The following SOX5 variants were observed in gnomAD, a reference collection of about 807,000 sequenced individuals.
SOX5 encodes the protein transcription factor SOX-5.
In SOX5, 9 loss-of-function variants were observed where a neutral mutation model predicts 92.0. The ratio of observed to expected loss-of-function variants is 0.10; its 90% CI spans 0.06 to 0.17. SOX5 has a LOEUF of 0.17. Among genes scored for constraint, SOX5 ranks in the 10% least tolerant of loss-of-function variants. SOX5 has a pLI of 1.00. For synonymous variants in SOX5, 344 were observed against 336.3 expected (o/e 1.02, Z -0.25); for missense variants, 642 against 944.5 (o/e 0.68, Z 4.20).
chr12:23,565,188 T>C (rs1946863506), intron 10 of SOX5, among the ~76,000 whole-genome samples: 1 of 152,224 alleles, frequency 6.6e-6, no homozygotes, highest in African/African-American at 2.4e-5. Flanking sequence ...TCTTCAGAGT[T>C]AATATTTACT....
chr12:24,155,919 G>A (rs1565548953), intron 4 of SOX5, among the ~76,000 whole-genome samples: 2 of 152,102 alleles, frequency 1.3e-5, no homozygotes, highest in African/African-American at 2.4e-5. Flanking sequence ...TATAGAAAGA[G>A]CGGTAACAAT....
intron 4 of SOX5, among the ~76,000 whole-genome samples, chr12:23,960,532 T>TATATATTTATATAC (rs1569275239): frequency 2.2e-4 from 7 of 31,508 alleles, no homozygotes; most frequent in East Asian, 3.6e-3. Context: ...TATATATACA[T>TATATATTTATATAC]ATATATATAT....
intron 4 of SOX5, among the ~76,000 whole-genome samples, chr12:24,115,804 T>C (rs114795885): frequency 6.6e-6 from 1 of 152,176 alleles, no homozygotes; most frequent in Admixed American, 6.5e-5. Context: ...AATTAACATA[T>C]AAATAATTGT....
chr12:24,508,669 G>A (rs1381711387), intron 1 of SOX5, among the ~76,000 whole-genome samples: 4 of 152,050 alleles, frequency 2.6e-5, no homozygotes, highest in Non-Finnish European at 5.9e-5. Context: ...TGTGGTCCAG[G>A]GCTGTGTCTA....
chr12:24,378,418 A>ACAGTCTTT (rs1957501019), intron 1 of SOX5, among the ~76,000 whole-genome samples: 1 of 152,214 alleles, frequency 6.6e-6, no homozygotes, highest in Admixed American at 6.5e-5. Context: ...TGCAATTCAA[A>ACAGTCTTT]CAGTCTTTAA....
In SOX5 at chr12:24,077,934, G is replaced by C. The variant is rs575376883; in HGVS notation, c.-2+135409C>G. 2.0e-3 allele frequency among the ~76,000 whole-genome samples: 296 copies of C among 150,754 alleles called. 2 individuals carry two copies. Among genetic ancestry groups the C allele is most frequent in the African/African-American group, 6.8e-3 (282 of 41,248 alleles). ...CTTTGAGAAGCCTTAAGAATAATTTGGAAATATTTAAATAATGTAAAAAAA... is the reference window on the plus strand; with the variant it reads ...CTTTGAGAAGCCTTAAGAATAATTTCGAAATATTTAAATAATGTAAAAAAA... On this transcript the variant is annotated intron_variant, in intron 4 of 4. Transcript: ENST00000446891.
At chr12:24,301,127 C>T (rs996641986) in intron 2 of SOX5, among the ~76,000 whole-genome samples, 56 of 152,288 alleles carry the variant, frequency 3.7e-4, no homozygotes, top group Non-Finnish European at 7.4e-4. Context: ...ACAAGCAGCC[C>T]GCAAGCTCTG....
intron 13 of SOX5, among the ~76,000 whole-genome samples, chr12:23,540,338 G>A (rs967574753): frequency 6.7e-6 from 1 of 149,244 alleles, no homozygotes; most frequent in African/African-American, 2.4e-5. Flanking sequence ...GCACATGGTG[G>A]ACATGTACCC....
In SOX5 at chr12:24,393,709, A is replaced by G. The variant is rs775677597; in HGVS notation, c.-250-25070T>C. ...TATTAAAATTTGGCAAAACTTTTCT[A>G]TTCTTTAAAAAATTATGACACAATA... On this transcript the variant is annotated intron_variant, in intron 1 of 4. Coordinates refer to the SOX5 transcript ENST00000446891. The surrounding 1 kb of genome is among the most constrained non-coding windows in gnomAD (Gnocchi z 5.0). Among the ~76,000 whole-genome samples, 6 of 152,214 alleles carry G rather than the reference A, an allele frequency of 3.9e-5. No individual in the cohort carries two copies. Among genetic ancestry groups the G allele is most frequent in the Non-Finnish European group, 7.4e-5 (5 of 68,012 alleles).
At chr12:23,960,106 C>G (rs1413433629) in intron 4 of SOX5, among the ~76,000 whole-genome samples, 1 of 152,052 alleles carries the variant, frequency 6.6e-6, no homozygotes, top group Non-Finnish European at 1.5e-5. Context: ...AGTCCACCAC[C>G]CTGGGTCCTA....
At chr12:24,531,362 C>T (rs1466309873) in intron 1 of SOX5, among the ~76,000 whole-genome samples, 1 of 152,074 alleles carries the variant, frequency 6.6e-6, no homozygotes, top group Admixed American at 6.6e-5. Context: ...TTGAAAGACC[C>T]TGTGCATTTT....
At chr12:24,326,016 G>GT (rs1950645752) in intron 2 of SOX5, among the ~76,000 whole-genome samples, 1 of 152,164 alleles carries the variant, frequency 6.6e-6, no homozygotes, top group African/African-American at 2.4e-5. Context: ...TACTCATTCT[G>GT]TAACTGTGAA....
At chr12:23,720,554 A>G (rs954717402) in intron 6 of SOX5, among the ~76,000 whole-genome samples, 1 of 152,108 alleles carries the variant, frequency 6.6e-6, no homozygotes, top group African/African-American at 2.4e-5. Flanking sequence ...ATATGTTGTT[A>G]AACATTTTGA....
In SOX5 at chr12:23,809,776, TTTTG is replaced by T. The variant is rs377355416; in HGVS notation, c.481+36203_481+36206del. 7.2e-3 allele frequency among the ~76,000 whole-genome samples: 921 copies of T among 127,848 alleles called. 5 individuals carry two copies. Among genetic ancestry groups the T allele is most frequent in the Admixed American group, 0.018 (222 of 12,624 alleles). 83.9% of individuals were successfully genotyped at this position (127,848 alleles called of 152,430 possible). On this transcript the variant is annotated intron_variant, in intron 3 of 14. Transcript: ENST00000451604. Reference sequence around the variant, plus strand: ...AATGAAAGTCTTTTTTTTTTTTTTTTTTTGAAAGATTTGACATTACTACACATTT... The same window carrying T: ...AATGAAAGTCTTTTTTTTTTTTTTTTAAAGATTTGACATTACTACACATTT...
chr12:23,970,266 A>G (rs975254217), intron 4 of SOX5, among the ~76,000 whole-genome samples: 1 of 151,876 alleles, frequency 6.6e-6, no homozygotes, highest in Non-Finnish European at 1.5e-5. Flanking sequence ...TTGTTGAGAT[A>G]TAATTCGCAT....
In SOX5 at chr12:24,299,947, A is replaced by C. The variant is rs969270153; in HGVS notation, c.-173-22635T>G. Among the ~76,000 whole-genome samples the C allele has an allele frequency of 2.6e-5, 4 of 152,182 alleles. No homozygotes were observed. In the East Asian group the frequency reaches 5.8e-4, roughly 22 times the overall value. ...GGCCACAACAACCCTTCATTTTACCAAGAAATCTCAAAGGTAAATAAAATT... is the reference window on the plus strand; with the variant it reads ...GGCCACAACAACCCTTCATTTTACCCAGAAATCTCAAAGGTAAATAAAATT... On this transcript the variant is annotated intron_variant, in intron 2 of 4. Transcript: ENST00000446891.
At chr12:24,444,024 G>A (rs1941071611) in intron 1 of SOX5, among the ~76,000 whole-genome samples, 1 of 152,136 alleles carries the variant, frequency 6.6e-6, no homozygotes, top group Non-Finnish European at 1.5e-5. Flanking sequence ...GGTGAGATGT[G>A]GGGATGTGGA....
chr12:23,787,947 C>T (rs541679027), intron 3 of SOX5, among the ~76,000 whole-genome samples: 1 of 117,210 alleles, frequency 8.5e-6, no homozygotes, highest in Admixed American at 9.0e-5. Flanking sequence ...GTAACAGGAT[C>T]TGAGCAAAGA....
chr12:23,838,162 T>C (rs1448483863), intron 3 of SOX5, among the ~76,000 whole-genome samples: 2 of 143,260 alleles, frequency 1.4e-5, no homozygotes, highest in African/African-American at 2.5e-5. Context: ...ATTTATATAA[T>C]ATATATTTAT....
Sources: gnomAD v4.1 joint callset for allele counts (sites outside exome capture counted in the v4.1 genomes callset) on GRCh38, gnomAD v4.1.1 for gene constraint, Gnocchi (gnomAD v3.1) non-coding constraint, MANE v1.5 for transcripts, NCBI Gene and HGNC (gene_info 2026-07-23, HGNC 2026-07-21) for gene names.